The following ANKRD55 variants were observed in gnomAD, a reference collection of about 807,000 sequenced individuals.
ANKRD55 encodes the protein ankyrin repeat domain-containing protein 55.
In ANKRD55, 41 loss-of-function variants were observed where a neutral mutation model predicts 60.6. The ratio of observed to expected loss-of-function variants is 0.68; its 90% CI spans 0.53 to 0.88. The LOEUF is 0.88. Ranked by LOEUF, ANKRD55 falls within the 40% of genes least tolerant of loss-of-function variation. The probability of loss-of-function intolerance (pLI) is 0.00; values close to 1 mark genes in which losing one functional copy is unlikely to be tolerated. For missense variants in ANKRD55, 732 were observed against 767.6 expected (o/e 0.95, Z 0.55); for synonymous variants, 264 against 290.3 (o/e 0.91, Z 0.92).
intron 2 of ANKRD55, among the ~76,000 whole-genome samples, chr5:56,231,653 GCACACACACACACACACACACACA>G (rs34225686): frequency 6.8e-6 from 1 of 147,978 alleles, no homozygotes; most frequent in Non-Finnish European, 1.5e-5. Context: ...CTGAAGGCGC[GCACACACACACACACACACACACA>G]CACACACACA....
intron 2 of ANKRD55, among the ~76,000 whole-genome samples, chr5:56,212,731 A>G (rs1047157527): frequency 1.3e-5 from 2 of 152,236 alleles, no homozygotes; most frequent in African/African-American, 4.8e-5. Context: ...AAACCAGTCC[A>G]TCTGGCCTGA....
intron 9 of ANKRD55, among the ~76,000 whole-genome samples, chr5:56,116,395 C>T (rs1157162495): frequency 6.6e-6 from 1 of 152,154 alleles, no homozygotes; most frequent in Admixed American, 6.5e-5. Context: ...TTTGGATTCA[C>T]TACTATCATT....
chr5:56,195,681 T>C (rs1561288196), intron 2 of ANKRD55, among the ~76,000 whole-genome samples: 3 of 152,170 alleles, frequency 2.0e-5, no homozygotes, highest in African/African-American at 7.2e-5. Context: ...TGACCTCAGG[T>C]GATCTACCCA....
intron 7 of ANKRD55, among the ~76,000 whole-genome samples, chr5:56,135,347 C>G (rs1757559314): frequency 3.3e-5 from 1 of 30,584 alleles, no homozygotes; most frequent in Non-Finnish European, 6.4e-5. Flanking sequence ...TTCTTTCTTT[C>G]TTTCTTTCTT....
intron 6 of ANKRD55, among the ~76,000 whole-genome samples, chr5:56,154,028 A>G (rs1198009393): frequency 3.3e-5 from 5 of 150,548 alleles, no homozygotes; most frequent in African/African-American, 1.2e-4. Flanking sequence ...TGGCTAACAC[A>G]GTGAAACCCC....
chr5:56,135,307 CTT>C (rs1757552432), intron 7 of ANKRD55, among the ~76,000 whole-genome samples: 2 of 9,540 alleles, frequency 2.1e-4, no homozygotes, highest in African/African-American at 1.5e-3. Flanking sequence ...TTCTTTCTTT[CTT>C]TCTTTCTTTC....
chr5:56,167,072 A>C (rs1561278336), intron 5 of ANKRD55, among the ~76,000 whole-genome samples: 1 of 152,252 alleles, frequency 6.6e-6, no homozygotes, highest in Non-Finnish European at 1.5e-5. Flanking sequence ...ATGTAATTCC[A>C]TAGGGAATCC....
At chr5:56,201,918 G>A (rs569574833) in intron 2 of ANKRD55, among the ~76,000 whole-genome samples, 1 of 152,294 alleles carries the variant, frequency 6.6e-6, no homozygotes, top group Admixed American at 6.5e-5. Flanking sequence ...TGATAAACTG[G>A]ATAGAGAAAA....
In ANKRD55 at chr5:56,232,882, G is replaced by A. The variant is rs1452163442; in HGVS notation, c.32C>T (p.Thr11Ile). ...TCTTTGCTGATCAAACACAGAAGGG[G>A]TGCTGAAATCCATGGTAGCCTGTCT... Reference protein sequence around the residue: MMRQATMDFSTPSVFDQQRGD... With the variant: MMRQATMDFSIPSVFDQQRGD... Residue 11 changes from threonine to isoleucine, a missense_variant, in exon 2 of 12, where the codon ACC becomes ATC. Physicochemically the swap from Thr to Ile is moderately conservative, Grantham distance 89. Coordinates refer to ENST00000341048, the MANE Select transcript of ANKRD55 (RefSeq NM_024669.3). 3 of 1,614,110 alleles carry A rather than the reference G, an allele frequency of 1.9e-6. No individual in the cohort carries two copies. Among genetic ancestry groups the A allele is most frequent in the African/African-American group, 2.7e-5 (2 of 75,010 alleles).
intron 2 of ANKRD55, among the ~76,000 whole-genome samples, chr5:56,192,137 CT>C (rs1490801505): frequency 1.3e-5 from 2 of 152,006 alleles, no homozygotes; most frequent in Non-Finnish European, 2.9e-5. Flanking sequence ...CTCTCTCTTT[CT>C]CATCTATTTG....
chr5:56,157,408 G>A lies in ANKRD55; in HGVS notation c.483+2425C>T, dbSNP rs950077740. Among the ~76,000 whole-genome samples, 4 of 152,286 alleles carry A rather than the reference G, an allele frequency of 2.6e-5. No homozygotes were observed. In the East Asian group the frequency reaches 5.8e-4, roughly 22 times the overall value. On this transcript the variant is annotated intron_variant, in intron 6 of 11. Coordinates refer to ENST00000341048, the MANE Select transcript of ANKRD55 (RefSeq NM_024669.3). ...GAAAGACCTGACCGTCCACCAGCCC[G>A]ACACATGTAAAGGGTCTGTGCTGAG...
At chr5:56,193,578 A>G (rs1317465848) in intron 2 of ANKRD55, 7 of 346,672 alleles carry the variant, frequency 2.0e-5, no homozygotes, top group Non-Finnish European at 3.8e-5. Flanking sequence ...AAAATATACT[A>G]AAGGAAATTA....
At chr5:56,159,170 G>A (rs1758263465) in intron 6 of ANKRD55, among the ~76,000 whole-genome samples, 1 of 152,312 alleles carries the variant, frequency 6.6e-6, no homozygotes, top group Middle Eastern at 3.4e-3. Flanking sequence ...ACACGAGAGA[G>A]CATGTCTTAG....
intron 10 of ANKRD55, among the ~76,000 whole-genome samples, chr5:56,108,742 A>T (rs1184207420): frequency 6.6e-6 from 1 of 152,178 alleles, no homozygotes; most frequent in South Asian, 2.1e-4. Flanking sequence ...TCTACTTTTT[A>T]AAAAAACATA....
At chr5:56,232,453 A>T (rs910190851) in intron 2 of ANKRD55, among the ~76,000 whole-genome samples, 1 of 152,248 alleles carries the variant, frequency 6.6e-6, no homozygotes, top group African/African-American at 2.4e-5. Context: ...ATGACAAAAA[A>T]AATGTGATGT....
intron 8 of ANKRD55, among the ~76,000 whole-genome samples, chr5:56,122,438 G>A (rs2111707505): frequency 6.6e-6 from 1 of 151,988 alleles, no homozygotes; most frequent in South Asian, 2.1e-4. Flanking sequence ...ATCACTTGAG[G>A]TCAGGAGTTC....
rs1012122400 is a variant in ANKRD55, at chr5:56,161,995, T to G, written c.423-2102A>C. The G allele has an allele frequency of 4.1e-6, 4 of 985,448 alleles. No homozygotes were observed. The South Asian group carries it at 1.4e-4, about 35-fold the overall frequency. 61.0% of individuals were successfully genotyped at this position (985,448 alleles called of 1,614,324 possible). A position where few individuals can be genotyped will look rare whatever the true frequency, so the allele number is the denominator to read the frequency against. ...GCAGGGCTTACCTTGTGACTGTGCTTCTCCTTTCTTTCTTTCCTTTCTGTC... is the reference window on the plus strand; with the variant it reads ...GCAGGGCTTACCTTGTGACTGTGCTGCTCCTTTCTTTCTTTCCTTTCTGTC... On this transcript the variant is annotated intron_variant, in intron 5 of 11. Coordinates refer to ENST00000341048, the MANE Select transcript of ANKRD55 (RefSeq NM_024669.3).
intron 6 of ANKRD55, among the ~76,000 whole-genome samples, chr5:56,153,776 G>A (rs1758117113): frequency 6.6e-6 from 1 of 151,822 alleles, no homozygotes; most frequent in Admixed American, 6.6e-5. Context: ...GGTGGAGGTT[G>A]CAGTGAGCCG....
At chr5:56,150,058 C>T (rs2111773245) in intron 6 of ANKRD55, among the ~76,000 whole-genome samples, 1 of 152,218 alleles carries the variant, frequency 6.6e-6, no homozygotes, top group African/African-American at 2.4e-5. Flanking sequence ...CCAGGCTGGT[C>T]TTGAACTCCT....
Sources: allele counts gnomAD v4.1 joint callset (sites outside exome capture counted in the v4.1 genomes callset), GRCh38; gene constraint gnomAD v4.1.1; transcripts MANE v1.5; gene names NCBI Gene and HGNC (gene_info 2026-07-23, HGNC 2026-07-21).